The following KDM4C variants were observed in gnomAD, a reference collection of about 807,000 sequenced individuals.
KDM4C encodes the protein lysine-specific demethylase 4C.
Under a neutral mutation model 129.3 loss-of-function variants are expected in KDM4C, and 81 were observed. The ratio of observed to expected loss-of-function variants is 0.63; its 90% CI spans 0.52 to 0.75. The LOEUF is 0.75. KDM4C is among the 30% of genes least tolerant of loss of function. The pLI is 0.00. For missense variants in KDM4C, 1,457 were observed against 1,304.0 expected (o/e 1.12, Z -1.81); for synonymous variants, 573 against 456.1 (o/e 1.26, Z -3.26).
chr9:7,017,217 A>G (rs905531521), intron 15 of KDM4C, among the ~76,000 whole-genome samples: 2 of 152,196 alleles, frequency 1.3e-5, no homozygotes, highest in South Asian at 4.1e-4. Flanking sequence ...GGTTATAGGT[A>G]TCAGCCCCTG....
chr9:7,040,103 C>A lies in KDM4C; in HGVS notation c.2260-6759C>A, dbSNP rs1828305309. Among the ~76,000 whole-genome samples the A allele has an allele frequency of 2.0e-5, 3 of 152,172 alleles. No individual in the cohort carries two copies. In the South Asian group the frequency reaches 6.2e-4, roughly 32 times the overall value. ...CAATTTACATTTTTGAATGAGCACA[C>A]TCTGCCTTCAAATAATATCCTACTT... On this transcript the variant is annotated intron_variant, in intron 15 of 21. Transcript: ENST00000381309.
At chr9:6,936,838 T>C (rs1208408755) in intron 8 of KDM4C, among the ~76,000 whole-genome samples, 1 of 152,194 alleles carries the variant, frequency 6.6e-6, no homozygotes, top group East Asian at 1.9e-4. Context: ...TTTAGTTTCC[T>C]TAGCTAAGGT....
At chr9:6,856,805 C>T (rs1162179331) in intron 5 of KDM4C, among the ~76,000 whole-genome samples, 11 of 142,426 alleles carry the variant, frequency 7.7e-5, no homozygotes, top group South Asian at 2.2e-4. Context: ...GGCCGGACTG[C>T]GGACTGCAGT....
At chr9:6,796,579 C>T (rs1588322733) in intron 2 of KDM4C, among the ~76,000 whole-genome samples, 1 of 152,300 alleles carries the variant, frequency 6.6e-6, no homozygotes, top group South Asian at 2.1e-4. Flanking sequence ...GAGCTGCATG[C>T]ACACAGAGCA....
chr9:6,857,911 C>T (rs1588733770), intron 5 of KDM4C, among the ~76,000 whole-genome samples: 1 of 144,868 alleles, frequency 6.9e-6, no homozygotes, highest in African/African-American at 2.6e-5. Flanking sequence ...CATGTTAACA[C>T]ATCTGGCTAA....
intron 8 of KDM4C, among the ~76,000 whole-genome samples, chr9:6,914,756 C>G (rs886789577): frequency 6.6e-6 from 1 of 152,234 alleles, no homozygotes; most frequent in East Asian, 1.9e-4. Flanking sequence ...TTCCCCATTC[C>G]TTCTATCTCT....
intron 1 of KDM4C, among the ~76,000 whole-genome samples, chr9:6,727,852 A>T: frequency 6.7e-6 from 1 of 150,216 alleles, no homozygotes; most frequent in Non-Finnish European, 1.5e-5. Context: ...AGTATGAAAA[A>T]CCTGAAATCA....
intron 1 of KDM4C, among the ~76,000 whole-genome samples, chr9:6,774,472 C>T (rs1822578667): frequency 6.6e-6 from 1 of 152,030 alleles, no homozygotes; most frequent in African/African-American, 2.4e-5. Context: ...TGAGACCAGG[C>T]TGGGCAAAAT....
At chr9:7,024,961 G>A (rs1013376493) in intron 15 of KDM4C, among the ~76,000 whole-genome samples, 1 of 152,164 alleles carries the variant, frequency 6.6e-6, no homozygotes, top group African/African-American at 2.4e-5. Context: ...CAGTGTAAAA[G>A]TGTTCCTATT....
intron 8 of KDM4C, among the ~76,000 whole-genome samples, chr9:6,976,940 C>T (rs1048698304): frequency 3.3e-5 from 5 of 151,990 alleles, no homozygotes; most frequent in African/African-American, 1.2e-4. Flanking sequence ...ATGATATCTA[C>T]TCAGGCATCA....
intron 8 of KDM4C, among the ~76,000 whole-genome samples, chr9:6,964,643 G>A (rs556802578): frequency 1.4e-3 from 217 of 152,062 alleles, no homozygotes; most frequent in African/African-American, 2.0e-3. Context: ...TTAGCCGGGT[G>A]TGGTGGTGGG....
intron 8 of KDM4C, among the ~76,000 whole-genome samples, chr9:6,917,291 A>T (rs994595015): frequency 6.6e-6 from 1 of 152,164 alleles, no homozygotes; most frequent in South Asian, 2.1e-4. Flanking sequence ...CCTGTCTCTC[A>T]AGCTCTTTTT....
chr9:7,092,164 G>A (rs974755608), intron 17 of KDM4C, among the ~76,000 whole-genome samples: 2 of 152,048 alleles, frequency 1.3e-5, no homozygotes, highest in African/African-American at 4.8e-5. Context: ...AGGAATGACC[G>A]TGTTTGTGAT....
chr9:6,735,081 C>G (rs1476090154), intron 1 of KDM4C: 2 of 428,054 alleles, frequency 4.7e-6, no homozygotes, highest in Non-Finnish European at 9.1e-6. Flanking sequence ...CTTCATGGTT[C>G]CAGCAGCCTA....
intron 3 of KDM4C, among the ~76,000 whole-genome samples, chr9:6,809,963 C>G (rs1409142446): frequency 6.6e-6 from 1 of 151,942 alleles, no homozygotes; most frequent in Admixed American, 6.6e-5. Flanking sequence ...GTACTCCAGC[C>G]TGGGTGACAG....
intron 5 of KDM4C, among the ~76,000 whole-genome samples, chr9:6,858,329 CTCTT>C (rs1431746021): frequency 6.6e-6 from 1 of 150,394 alleles, no homozygotes; most frequent in Non-Finnish European, 1.5e-5. Flanking sequence ...TTTTTTGCTA[CTCTT>C]TTAGTTACAC....
intron 8 of KDM4C, among the ~76,000 whole-genome samples, chr9:6,959,749 A>G (rs935748681): frequency 6.6e-6 from 1 of 152,204 alleles, no homozygotes; most frequent in Non-Finnish European, 1.5e-5. Context: ...ATGACTACTC[A>G]TAAGTTGTTT....
chr9:6,819,728 G>C (rs1296609928), intron 4 of KDM4C, among the ~76,000 whole-genome samples: 1 of 152,212 alleles, frequency 6.6e-6, no homozygotes. Context: ...TAAAGGGCAT[G>C]ATGTAGAGTG....
chr9:6,752,312 G>T (rs1684038156), intron 1 of KDM4C, among the ~76,000 whole-genome samples: 1 of 100,450 alleles, frequency 1.0e-5, no homozygotes. Context: ...CAGCCTGGGC[G>T]ACAGAGCGAA....
Sources: gnomAD v4.1 joint callset for allele counts (sites outside exome capture counted in the v4.1 genomes callset) on GRCh38, gnomAD v4.1.1 for gene constraint, MANE v1.5 for transcripts, NCBI Gene and HGNC (gene_info 2026-07-23, HGNC 2026-07-21) for gene names.